ZZZ3: variants seen among roughly 807,000 people sequenced by gnomAD.
The protein encoded by ZZZ3 is zinc finger ZZ-type containing 3, also known as ZZ-type zinc finger-containing protein 3.
Under a neutral mutation model 95.2 loss-of-function variants are expected in ZZZ3, and 22 were observed. That is an observed-to-expected ratio of 0.23 (90% confidence interval 0.17 to 0.33). The LOEUF (loss-of-function observed/expected upper bound fraction) is 0.33. Ranked by LOEUF, ZZZ3 falls within the 10% of genes least tolerant of loss-of-function variation. ZZZ3 has a pLI of 1.00. For missense variants in ZZZ3, 885 were observed against 1,066.5 expected, an observed-to-expected ratio of 0.83 and a Z score of 2.37; for synonymous variants, 335 against 358.9, an observed-to-expected ratio of 0.93 and a Z score of 0.75.
Position 77,632,526 on chromosome 1 carries a change from A to C in ZZZ3, c.829T>G (p.Leu277Val). 6.2e-7 allele frequency: 1 copy of C among 1,614,164 alleles called. No individual in the cohort carries two copies. Among genetic ancestry groups the C allele is most frequent in the Non-Finnish European group, 8.5e-7 (1 of 1,180,008 alleles). The change falls in exon 5 of 15, where the codon TTG (leucine) becomes GTG (valine). Residue 277 changes from leucine to valine, a missense_variant. Leu to Val is a conservative substitution (Grantham distance 32). Around this residue, in one of 5 missense-constraint regions of ZZZ3, gnomAD observed 556 missense variants for 652.9 expected, o/e 0.85. Coordinates refer to ENST00000370801, the MANE Select transcript of ZZZ3 (RefSeq NM_015534.6). The part of the protein sequence containing the change: ...PCTDSQVQVK[L>V]EDHKIVTACL... ...GCAGTTACTATTTTGTGGTCCTCCAACTTGACCTGCACTTGTGAATCTGTG... is the reference window on the plus strand; with the variant it reads ...GCAGTTACTATTTTGTGGTCCTCCACCTTGACCTGCACTTGTGAATCTGTG...
At chr1:77,649,754 T>C (rs1271437290) in intron 1 of ZZZ3, among the ~76,000 whole-genome samples, 1 of 151,766 alleles carries the variant, frequency 6.6e-6, no homozygotes, top group Non-Finnish European at 1.5e-5. Context: ...TGGTGGCGCA[T>C]GTCTGTAATA....
chr1:77,584,626 A>G lies in ZZZ3; in HGVS notation c.1535T>C (p.Val512Ala), dbSNP rs780881192. Residue 512 changes from valine to alanine, a missense_variant, in exon 6 of 15, where the codon GTA (valine) becomes GCA (alanine). This residue lies in a region of ZZZ3 where 556 missense variants were observed against 652.9 expected (regional missense o/e 0.85). Transcript: ENST00000370801. ...TGCTTGAGAACGCTGAGCCTCGAGT[A>G]CAGCAATCGTCTGTAATAGTCTCTG... ...DYQRLLQTIA[V>A]LEAQRSQAVQ... 6.2e-7 allele frequency: 1 copy of G among 1,607,542 alleles called. No homozygotes were observed. The highest frequency in any genetic ancestry group is 8.5e-7 in the Non-Finnish European group (1 of 1,177,944).
intron 4 of ZZZ3, among the ~76,000 whole-genome samples, chr1:77,634,293 A>G (rs1211980168): frequency 6.6e-6 from 1 of 152,224 alleles, no homozygotes; most frequent in Non-Finnish European, 1.5e-5. Flanking sequence ...CGGTATACAG[A>G]AAGGCAGGCT....
chr1:77,657,170 TG>T (rs1170103298), intron 1 of ZZZ3, among the ~76,000 whole-genome samples: 2 of 152,098 alleles, frequency 1.3e-5, no homozygotes, highest in East Asian at 3.9e-4. Flanking sequence ...TTAGTAGAGA[TG>T]GGGTTTCACT....
At chr1:77,602,952 A>G (rs913549858) in intron 5 of ZZZ3, among the ~76,000 whole-genome samples, 1 of 151,904 alleles carries the variant, frequency 6.6e-6, no homozygotes, top group African/African-American at 2.4e-5. Context: ...TTTTCACTCT[A>G]TCTTCAAGGC....
chr1:77,679,685 T>G (rs911410743), intron 1 of ZZZ3, among the ~76,000 whole-genome samples: 3 of 152,358 alleles, frequency 2.0e-5, no homozygotes, highest in Middle Eastern at 3.4e-3. Context: ...ATATTATCAC[T>G]GTTAATAGTT....
intron 1 of ZZZ3, among the ~76,000 whole-genome samples, chr1:77,679,537 C>A (rs141120162): frequency 0.024 from 3,623 of 152,188 alleles, 70 homozygotes; most frequent in Non-Finnish European, 0.028. Context: ...CCTCCCACCT[C>A]GGCCTCCCAA....
intron 5 of ZZZ3, among the ~76,000 whole-genome samples, chr1:77,598,085 G>A (rs1015177110): frequency 2.6e-5 from 4 of 151,976 alleles, no homozygotes; most frequent in African/African-American, 9.7e-5. Flanking sequence ...ACAGGGGTTA[G>A]GAGCACAGAT....
At chr1:77,635,390 C>T (rs1340669066) in intron 4 of ZZZ3, among the ~76,000 whole-genome samples, 1 of 152,096 alleles carries the variant, frequency 6.6e-6, no homozygotes, top group Non-Finnish European at 1.5e-5. Context: ...ACAATAAGTA[C>T]AAGACACAAA....
intron 5 of ZZZ3, among the ~76,000 whole-genome samples, chr1:77,622,088 C>T (rs1388265699): frequency 6.7e-6 from 1 of 149,108 alleles, no homozygotes; most frequent in Non-Finnish European, 1.5e-5. Context: ...AGGAAAGAGG[C>T]CAGGAGTTCA....
rs898726332 is a variant in ZZZ3, at chr1:77,671,033, T to A, written c.-403+11552A>T. On this transcript the variant is annotated intron_variant, in intron 1 of 14. Transcript: ENST00000370801. ...GGGGGGGTGGTGGGGGTTGTTTTTTTTAAAAAAAAAAAAACTTCTGTGAGG... is the reference window on the plus strand; with the variant it reads ...GGGGGGGTGGTGGGGGTTGTTTTTTATAAAAAAAAAAAAACTTCTGTGAGG... 8.5e-3 allele frequency among the ~76,000 whole-genome samples: 1,277 copies of A among 150,650 alleles called. 12 individuals are homozygous for A. Among genetic ancestry groups the A allele is most frequent in the Non-Finnish European group, 0.012 (826 of 67,770 alleles).
At chr1:77,662,987 C>A (rs1181544847) in intron 1 of ZZZ3, among the ~76,000 whole-genome samples, 1 of 152,036 alleles carries the variant, frequency 6.6e-6, no homozygotes, top group Non-Finnish European at 1.5e-5. Flanking sequence ...CACCTGTAGT[C>A]CCACCTATTC....
At chr1:77,624,226 C>T (rs1245798955) in intron 5 of ZZZ3, among the ~76,000 whole-genome samples, 1 of 152,142 alleles carries the variant, frequency 6.6e-6, no homozygotes, top group Non-Finnish European at 1.5e-5. Flanking sequence ...GCTCCTAAGA[C>T]CTCTACAATT....
At chr1:77,604,577 C>T (rs1227798393) in intron 5 of ZZZ3, among the ~76,000 whole-genome samples, 1 of 152,178 alleles carries the variant, frequency 6.6e-6, no homozygotes, top group Non-Finnish European at 1.5e-5. Flanking sequence ...GAACAGGCAA[C>T]TCAAGCATCC....
intron 1 of ZZZ3, among the ~76,000 whole-genome samples, chr1:77,653,626 G>A (rs558645665): frequency 6.6e-4 from 100 of 152,222 alleles, no homozygotes; most frequent in Non-Finnish European, 1.3e-3. Context: ...AGTGGCACAT[G>A]CCTGTAATCC....
chr1:77,639,504 G>A lies in ZZZ3; in HGVS notation c.-107C>T, dbSNP rs1171572305. On this transcript the variant is annotated 5_prime_UTR_variant, in exon 4 of 15. Coordinates refer to ENST00000370801, the MANE Select transcript of ZZZ3 (RefSeq NM_015534.6). ...ATATAATCTCTTTTCCTTATATCCT[G>A]AAGGAGTTGGAGCTATGATCTAGAA... 6.8e-7 allele frequency: 1 copy of A among 1,478,628 alleles called. No individual in the cohort carries two copies. The highest frequency in any genetic ancestry group is 1.4e-5 in the South Asian group (1 of 70,818). The allele number at this position is 1,478,628 out of a possible 1,614,324, so 91.6% of individuals were successfully genotyped here.
At chr1:77,680,362 T>C (rs540852834) in intron 1 of ZZZ3, among the ~76,000 whole-genome samples, 2 of 152,324 alleles carry the variant, frequency 1.3e-5, no homozygotes, top group East Asian at 3.9e-4. Context: ...ACTGTCAACC[T>C]TCTACATTCC....
intron 5 of ZZZ3, among the ~76,000 whole-genome samples, chr1:77,592,012 G>T (rs112483435): frequency 0.025 from 3,752 of 152,238 alleles, 46 homozygotes; most frequent in Middle Eastern, 0.078. Context: ...CACCAAGATA[G>T]ATAGTCTCTC....
At chr1:77,668,755 G>C (rs1671476298) in intron 1 of ZZZ3, among the ~76,000 whole-genome samples, 1 of 151,088 alleles carries the variant, frequency 6.6e-6, no homozygotes, top group African/African-American at 2.4e-5. Context: ...CCACAAAAAA[G>C]TGACTATAAA....
Sources: gnomAD v4.1 joint callset for allele counts (sites outside exome capture counted in the v4.1 genomes callset) on GRCh38, gnomAD v4.1.1 for gene constraint, gnomAD v4.1.1 regional missense constraint, MANE v1.5 for transcripts, NCBI Gene and HGNC (gene_info 2026-07-23, HGNC 2026-07-21) for gene names.